The following PCOLCE2 variants were observed in gnomAD, a reference collection of about 807,000 sequenced individuals.
PCOLCE2 encodes the protein procollagen C-endopeptidase enhancer 2, also known as procollagen C-proteinase enhancer 2.
A neutral mutation model predicts 47.0 loss-of-function variants in PCOLCE2; 42 were observed. That is an observed-to-expected ratio of 0.89 (90% CI 0.70 to 1.16). The LOEUF (loss-of-function observed/expected upper bound fraction) is 1.16. PCOLCE2 is among the 50% of genes most tolerant of loss of function. PCOLCE2 has a pLI of 0.00. For synonymous variants in PCOLCE2, 169 were observed against 191.7 expected, an observed-to-expected ratio of 0.88 and a Z score of 0.98; for missense variants, 500 against 526.1, an observed-to-expected ratio of 0.95 and a Z score of 0.49.
chr3:142,860,927 T>C (rs1021947694), intron 2 of PCOLCE2, among the ~76,000 whole-genome samples: 2 of 152,174 alleles, frequency 1.3e-5, no homozygotes, highest in Non-Finnish European at 2.9e-5. Flanking sequence ...TCTTCACCAA[T>C]TCAGGAACCC....
chr3:142,856,697 G>A (rs920178684), intron 2 of PCOLCE2, among the ~76,000 whole-genome samples: 2 of 152,194 alleles, frequency 1.3e-5, no homozygotes, highest in Non-Finnish European at 2.9e-5. Context: ...TTTGGCTGGG[G>A]AAAGAGATAA....
At chr3:142,820,295 C>T (rs527665853) in intron 8 of PCOLCE2, among the ~76,000 whole-genome samples, 3 of 152,246 alleles carry the variant, frequency 2.0e-5, no homozygotes, top group South Asian at 4.1e-4. Flanking sequence ...CACTTTTAAA[C>T]ATACTCTTAC....
intron 5 of PCOLCE2, 130 bp downstream of exon 5, chr3:142,838,640 A>G (rs1429080104): frequency 3.9e-6 from 3 of 774,202 alleles, no homozygotes; most frequent in Admixed American, 2.3e-5. Context: ...GAGAACTAAT[A>G]GAGGACCCAA....
intron 6 of PCOLCE2, among the ~76,000 whole-genome samples, 154 bp from the exon 7 acceptor site, chr3:142,823,769 C>A (rs949492375): frequency 6.6e-6 from 1 of 152,234 alleles, no homozygotes; most frequent in African/African-American, 2.4e-5. Flanking sequence ...AAAATAAATT[C>A]TCCATGCTAC....
intron 2 of PCOLCE2, among the ~76,000 whole-genome samples, chr3:142,871,468 A>C (rs978215855): frequency 6.6e-6 from 1 of 152,178 alleles, no homozygotes; most frequent in Non-Finnish European, 1.5e-5. Flanking sequence ...ACTTGGCTAG[A>C]CTATAGGAAG....
intron 2 of PCOLCE2, among the ~76,000 whole-genome samples, chr3:142,873,384 A>G (rs1185739797): frequency 2.0e-5 from 3 of 147,856 alleles, no homozygotes; most frequent in Middle Eastern, 3.2e-3. Context: ...CTAGAGTGAA[A>G]CTCCATCTCA....
intron 2 of PCOLCE2, among the ~76,000 whole-genome samples, chr3:142,864,968 T>C (rs1040499221): frequency 6.6e-6 from 1 of 152,250 alleles, no homozygotes; most frequent in Non-Finnish European, 1.5e-5. Flanking sequence ...AACATCTTTG[T>C]ACAAGTCTTT....
At chr3:142,872,372 G>A (rs1401447603) in intron 2 of PCOLCE2, among the ~76,000 whole-genome samples, 1 of 151,860 alleles carries the variant, frequency 6.6e-6, no homozygotes, top group Non-Finnish European at 1.5e-5. Context: ...ACTCACAATG[G>A]CCCACTGGGC....
At chr3:142,847,789 T>G (rs1218799247) in intron 3 of PCOLCE2, among the ~76,000 whole-genome samples, 1 of 152,200 alleles carries the variant, frequency 6.6e-6, no homozygotes, top group East Asian at 1.9e-4. Context: ...CACCTGCCCT[T>G]GGTCCCCCAG....
At chr3:142,863,288 G>T (rs539026060) in intron 2 of PCOLCE2, among the ~76,000 whole-genome samples, 5 of 152,256 alleles carry the variant, frequency 3.3e-5, no homozygotes, top group African/African-American at 9.6e-5. Flanking sequence ...CAATACAAAG[G>T]CAGTAAGGAG....
At chr3:142,852,226 G>A (rs141404856) in intron 2 of PCOLCE2, among the ~76,000 whole-genome samples, 9 of 152,080 alleles carry the variant, frequency 5.9e-5, no homozygotes, top group South Asian at 2.1e-4. Context: ...CACAACATCC[G>A]TTCTTCATTT....
At chr3:142,869,642 T>C (rs1933346351) in intron 2 of PCOLCE2, among the ~76,000 whole-genome samples, 1 of 152,356 alleles carries the variant, frequency 6.6e-6, no homozygotes, top group South Asian at 2.1e-4. Flanking sequence ...CAACCCTTTA[T>C]CTTAATCAGA....
intron 3 of PCOLCE2, among the ~76,000 whole-genome samples, chr3:142,847,274 T>C (rs1479496176): frequency 6.6e-6 from 1 of 152,224 alleles, no homozygotes; most frequent in Non-Finnish European, 1.5e-5. Context: ...GTAGATTTTA[T>C]ACGAATATTT....
At chr3:142,888,371 G>C (rs1456034797) in intron 1 of PCOLCE2, among the ~76,000 whole-genome samples, 2 of 152,174 alleles carry the variant, frequency 1.3e-5, no homozygotes, top group African/African-American at 2.4e-5. Context: ...TTAACTTTCC[G>C]GAGCGGCTCC....
chr3:142,873,298 C>G (rs1402506988), intron 2 of PCOLCE2, among the ~76,000 whole-genome samples: 1 of 149,498 alleles, frequency 6.7e-6, no homozygotes, highest in African/African-American at 2.5e-5. Context: ...GAGGCTGAGG[C>G]AGGAAAATCA....
intron 6 of PCOLCE2, chr3:142,827,789 C>T (rs776007095): frequency 9.9e-5 from 60 of 603,094 alleles, no homozygotes; most frequent in Non-Finnish European, 1.7e-4. Flanking sequence ...TGTACCCCTA[C>T]GCATGGCATA....
chr3:142,836,373 G>A (rs1450448530), intron 5 of PCOLCE2, among the ~76,000 whole-genome samples: 1 of 152,196 alleles, frequency 6.6e-6, no homozygotes, highest in Non-Finnish European at 1.5e-5. Flanking sequence ...TTTGTCTCTT[G>A]TCTGCAAGCA....
intron 2 of PCOLCE2, among the ~76,000 whole-genome samples, chr3:142,856,710 T>C (rs761642229): frequency 1.3e-5 from 2 of 152,228 alleles, no homozygotes; most frequent in African/African-American, 2.4e-5. Flanking sequence ...AGAGATAACG[T>C]TGAAAACGAA....
chr3:142,872,800 A>C (rs1390532977), intron 2 of PCOLCE2, among the ~76,000 whole-genome samples: 1 of 152,196 alleles, frequency 6.6e-6, no homozygotes, highest in African/African-American at 2.4e-5. Flanking sequence ...GCAAGTGTGA[A>C]AATCACAATT....
Sources: allele counts gnomAD v4.1 joint callset (sites outside exome capture counted in the v4.1 genomes callset), GRCh38; gene constraint gnomAD v4.1.1; transcripts MANE v1.5; gene names NCBI Gene and HGNC (gene_info 2026-07-23, HGNC 2026-07-21).